CNTN5: variants seen among roughly 807,000 people sequenced by gnomAD.
CNTN5 encodes the protein contactin-5.
In CNTN5, 77 loss-of-function variants were observed where a neutral mutation model predicts 129.1. The observed-to-expected ratio is 0.60, with a 90% CI of 0.50 to 0.72. The LOEUF (loss-of-function observed/expected upper bound fraction) is 0.72, where lower values mean the gene tolerates loss of function less well. Ranked by LOEUF, CNTN5 falls within the 30% of genes least tolerant of loss-of-function variation. The pLI is 0.00. For synonymous variants in CNTN5, 509 were observed against 465.6 expected, an observed-to-expected ratio of 1.09 and a Z score of -1.20; for missense variants, 1,478 against 1,328.8, an observed-to-expected ratio of 1.11 and a Z score of -1.75.
At chr11:99,835,203 C>A (rs536633708) in intron 4 of CNTN5, among the ~76,000 whole-genome samples, 1 of 152,032 alleles carries the variant, frequency 6.6e-6, no homozygotes, top group Non-Finnish European at 1.5e-5. Flanking sequence ...CTGATGATGA[C>A]GCATATGTTC....
chr11:99,305,898 T>A lies in CNTN5; in HGVS notation c.-209-19448T>A, dbSNP rs570699256. Among the ~76,000 whole-genome samples, 22 of 152,098 alleles carry A rather than the reference T, an allele frequency of 1.4e-4. 1 individual carries two copies. The South Asian group carries it at 4.6e-3, about 32-fold the overall frequency. Reference sequence around the variant, plus strand: ...CGGGAGGCTGAGACAGGAGAATTGCTTGAGCCCAGGAGGTGGAGGTTGCAG... The same window carrying A: ...CGGGAGGCTGAGACAGGAGAATTGCATGAGCCCAGGAGGTGGAGGTTGCAG... On this transcript the variant is annotated intron_variant, in intron 1 of 24. Coordinates refer to ENST00000524871, the MANE Select transcript of CNTN5 (RefSeq NM_014361.4).
At chr11:100,304,862 A>T (rs1194823049) in intron 20 of CNTN5, among the ~76,000 whole-genome samples, 1 of 151,050 alleles carries the variant, frequency 6.6e-6, no homozygotes, top group Non-Finnish European at 1.5e-5. Context: ...GTTGTTGGGA[A>T]GACTAAGACA....
intron 1 of CNTN5, among the ~76,000 whole-genome samples, chr11:99,025,124 T>A (rs1360021730): frequency 6.6e-6 from 1 of 151,952 alleles, no homozygotes; most frequent in East Asian, 1.9e-4. Flanking sequence ...ACTCACCTAT[T>A]TCCTCTTATG....
intron 1 of CNTN5, among the ~76,000 whole-genome samples, chr11:99,280,596 A>G (rs981907684): frequency 2.0e-5 from 3 of 151,534 alleles, no homozygotes; most frequent in East Asian, 1.9e-4. Context: ...CAAAATCTCC[A>G]CCCTGAAATT....
intron 17 of CNTN5, among the ~76,000 whole-genome samples, chr11:100,268,802 A>G (rs1391343294): frequency 6.6e-6 from 1 of 152,180 alleles, no homozygotes; most frequent in Non-Finnish European, 1.5e-5. Flanking sequence ...TTGGAGTGAG[A>G]CAGGGGAGAA....
intron 2 of CNTN5, among the ~76,000 whole-genome samples, chr11:99,544,183 T>A (rs1224277710): frequency 6.6e-6 from 1 of 151,986 alleles, no homozygotes; most frequent in East Asian, 1.9e-4. Flanking sequence ...ACCAAGAGGA[T>A]CTTGTGAGAA....
chr11:99,680,668 C>A (rs1591470393), intron 3 of CNTN5, among the ~76,000 whole-genome samples: 1 of 151,780 alleles, frequency 6.6e-6, no homozygotes, highest in Non-Finnish European at 1.5e-5. Flanking sequence ...TTCCATGAAT[C>A]TTGAATGTTC....
At chr11:100,303,482 A>G (rs1271893153) in intron 20 of CNTN5, among the ~76,000 whole-genome samples, 1 of 151,638 alleles carries the variant, frequency 6.6e-6, no homozygotes, top group Non-Finnish European at 1.5e-5. Flanking sequence ...AAAGAACTGG[A>G]GCATTCAATT....
intron 8 of CNTN5, among the ~76,000 whole-genome samples, chr11:100,000,702 C>A (rs1939808417): frequency 6.6e-6 from 1 of 152,192 alleles, no homozygotes; most frequent in Non-Finnish European, 1.5e-5. Flanking sequence ...TAGAGGTTCT[C>A]CATTAGGGAT....
intron 2 of CNTN5, among the ~76,000 whole-genome samples, chr11:99,349,359 G>A (rs940262571): frequency 6.6e-6 from 1 of 152,124 alleles, no homozygotes; most frequent in Non-Finnish European, 1.5e-5. Context: ...GATATAGATA[G>A]ATTGGCCACT....
chr11:99,100,716 T>C (rs1372904788), intron 1 of CNTN5, among the ~76,000 whole-genome samples: 2 of 152,180 alleles, frequency 1.3e-5, no homozygotes, highest in African/African-American at 4.8e-5. Flanking sequence ...GTTTTTAAAC[T>C]ACTATAAAAA....
intron 3 of CNTN5, among the ~76,000 whole-genome samples, chr11:99,668,955 A>G (rs946938009): frequency 6.6e-6 from 1 of 152,130 alleles, no homozygotes; most frequent in Admixed American, 6.6e-5. Flanking sequence ...AAATGCTCCA[A>G]CTGGGGGGAA....
rs533839042 is a variant in CNTN5, at chr11:99,069,903, G to T, written c.-210+48633G>T. Reference sequence around the variant, plus strand: ...AATAGGGTTAAAGCCCAGCCCTCAGGCTTGTTTTCTGGCTTCAGCAGGGAA... The same window carrying T: ...AATAGGGTTAAAGCCCAGCCCTCAGTCTTGTTTTCTGGCTTCAGCAGGGAA... On this transcript the variant is annotated intron_variant, in intron 1 of 24. Transcript: ENST00000524871. Among the ~76,000 whole-genome samples the T allele has an allele frequency of 2.4e-4, 37 of 152,258 alleles. No individual in the cohort carries two copies. The South Asian group carries it at 6.6e-3, about 27-fold the overall frequency.
At chr11:99,395,029 C>T (rs1173424650) in intron 2 of CNTN5, among the ~76,000 whole-genome samples, 3 of 151,492 alleles carry the variant, frequency 2.0e-5, no homozygotes, top group Admixed American at 6.6e-5. Flanking sequence ...TATAATAGAA[C>T]GATTTATATT....
chr11:99,430,682 T>C (rs999620020), intron 2 of CNTN5, among the ~76,000 whole-genome samples: 1 of 151,974 alleles, frequency 6.6e-6, no homozygotes, highest in Admixed American at 6.6e-5. Context: ...AGAGCTTGGA[T>C]ATCAGCTTTT....
At chr11:99,518,748 T>C (rs1263784727) in intron 2 of CNTN5, among the ~76,000 whole-genome samples, 1 of 151,606 alleles carries the variant, frequency 6.6e-6, no homozygotes, top group Admixed American at 6.6e-5. Context: ...CCTAATATCT[T>C]CTTCTTTTCA....
intron 24 of CNTN5, among the ~76,000 whole-genome samples, chr11:100,351,894 G>C (rs1952424436): frequency 6.6e-6 from 1 of 151,382 alleles, no homozygotes; most frequent in Admixed American, 6.6e-5. Flanking sequence ...TCAGACCAGA[G>C]GCATTGCTTG....
intron 15 of CNTN5, among the ~76,000 whole-genome samples, chr11:100,203,477 T>C (rs1948831554): frequency 6.6e-6 from 1 of 152,016 alleles, no homozygotes; most frequent in Non-Finnish European, 1.5e-5. Flanking sequence ...ATACCTGTTC[T>C]TAATAAGTAT....
intron 2 of CNTN5, among the ~76,000 whole-genome samples, chr11:99,513,744 G>T (rs897014045): frequency 7.0e-6 from 1 of 142,484 alleles, no homozygotes; most frequent in Non-Finnish European, 1.5e-5. Context: ...AAAAAAAAAA[G>T]ATTCCTTTCA....
Sources: gnomAD v4.1 joint callset for allele counts (sites outside exome capture counted in the v4.1 genomes callset) on GRCh38, gnomAD v4.1.1 for gene constraint, MANE v1.5 for transcripts, NCBI Gene and HGNC (gene_info 2026-07-23, HGNC 2026-07-21) for gene names.